SBNO1: variants seen among roughly 807,000 people sequenced by gnomAD.
SBNO1 encodes the protein strawberry notch homolog 1, also known as protein strawberry notch homolog 1.
In SBNO1, 23 loss-of-function variants were observed where a neutral mutation model predicts 173.6. That is an observed-to-expected ratio of 0.13 (90% CI 0.10 to 0.19). The LOEUF is 0.19. Ranked by LOEUF, SBNO1 falls within the 10% of genes least tolerant of loss-of-function variation. The pLI is 1.00. For missense variants in SBNO1, 1,238 were observed against 1,671.2 expected (o/e 0.74, Z 4.52); for synonymous variants, 632 against 571.5 (o/e 1.11, Z -1.51).
intron 1 of SBNO1, among the ~76,000 whole-genome samples, chr12:123,353,429 CGAT>C (rs1874105314): frequency 6.6e-6 from 1 of 151,934 alleles, no homozygotes; most frequent in Non-Finnish European, 1.5e-5. Context: ...TGGTAAACTA[CGAT>C]GTTTCATTAT....
chr12:123,307,939 G>A (rs2048960940), intron 28 of SBNO1, among the ~76,000 whole-genome samples: 1 of 152,174 alleles, frequency 6.6e-6, no homozygotes, highest in South Asian at 2.1e-4. Flanking sequence ...AGGCGTGGTG[G>A]TGCGTGCCTG....
intron 3 of SBNO1, among the ~76,000 whole-genome samples, chr12:123,347,594 C>T (rs181461492): frequency 6.1e-4 from 92 of 151,762 alleles, no homozygotes; most frequent in African/African-American, 2.1e-3. Flanking sequence ...GGCTTGGTCT[C>T]TGCTCACTGC....
chr12:123,323,521 A>G (rs1870251818), intron 16 of SBNO1, among the ~76,000 whole-genome samples, 159 bp downstream of exon 16: 1 of 151,788 alleles, frequency 6.6e-6, no homozygotes, highest in African/African-American at 2.4e-5. Flanking sequence ...TGCCCGGCTA[A>G]TTTTTTGTAT....
Position 123,341,105 on chromosome 12 carries a change from C to G in SBNO1, c.551-17G>C. ...TTACATCAGCTGAGGAGGAAAAAGT[C>G]AAATTACATTTAGAAGAAAATTCTG... On this transcript the variant is annotated splice_polypyrimidine_tract_variant and intron_variant, in intron 4 of 31. Coordinates refer to ENST00000602398, the MANE Select transcript of SBNO1 (RefSeq NM_001167856.3). The G allele has an allele frequency of 9.5e-6, 13 of 1,365,624 alleles. No homozygotes were observed. Among genetic ancestry groups the G allele is most frequent in the Non-Finnish European group, 1.3e-5 (13 of 988,640 alleles). The allele number at this position is 1,365,624 out of a possible 1,614,324, so 84.6% of individuals were successfully genotyped here. A position where few individuals can be genotyped will look rare whatever the true frequency, so the allele number is the denominator to read the frequency against.
intron 1 of SBNO1, among the ~76,000 whole-genome samples, chr12:123,358,606 G>A (rs1023074456): frequency 1.4e-4 from 21 of 151,780 alleles, no homozygotes; most frequent in Admixed American, 1.4e-3. Flanking sequence ...AGCCGGGCGC[G>A]GTGGCAGGCG....
chr12:123,348,826 G>A (rs934045456), intron 2 of SBNO1, among the ~76,000 whole-genome samples: 41 of 151,686 alleles, frequency 2.7e-4, no homozygotes, highest in African/African-American at 8.2e-4. Flanking sequence ...TGGGCTTGGC[G>A]GCGGCCCCCT....
At chr12:123,312,753 A>C (rs1246041114) in intron 24 of SBNO1, among the ~76,000 whole-genome samples, 1 of 151,964 alleles carries the variant, frequency 6.6e-6, no homozygotes, top group Non-Finnish European at 1.5e-5. Context: ...GAAAGAAAAA[A>C]GGCTAAGCTA....
rs1476752073 is a variant in SBNO1 at position 123,313,962 on chromosome 12, T to G, written c.3121-243A>C. 2.6e-5 allele frequency among the ~76,000 whole-genome samples: 4 copies of G among 151,796 alleles called. No homozygotes were observed. In the East Asian group the frequency reaches 7.9e-4, roughly 30 times the overall value. ...AGCTGGGTGTGGTGGCAGACACCTGTAATCCCAGCTACTTGGAAGGCTGAG... is the reference window on the plus strand; with the variant it reads ...AGCTGGGTGTGGTGGCAGACACCTGGAATCCCAGCTACTTGGAAGGCTGAG... On this transcript the variant is annotated intron_variant, in intron 23 of 31. Coordinates refer to ENST00000602398, the MANE Select transcript of SBNO1 (RefSeq NM_001167856.3).
chr12:123,350,511 T>C, intron 1 of SBNO1, 70 bp from the exon 2 acceptor site: 1 of 1,232,232 alleles, frequency 8.1e-7, no homozygotes, highest in Non-Finnish European at 1.2e-6. Context: ...CCTCTAAATA[T>C]AAACAATCCA....
rs1169964144 is a variant in SBNO1 at position 123,290,762 on chromosome 12, G to C, written c.*5146C>G. The C allele has an allele frequency of 2.0e-5, 3 of 151,852 alleles. No homozygotes were observed. The highest frequency in any genetic ancestry group is 7.3e-5 in the African/African-American group (3 of 41,314). 9.4% of individuals were successfully genotyped at this position (151,852 alleles called of 1,614,324 possible). On this transcript the variant is annotated 3_prime_UTR_variant, in exon 32 of 32. Transcript: ENST00000602398. ...TCTCTCTTTTTTTTTTTTCGAGACG[G>C]AGTCTCGGTCTGTTGCCCAGGCTGG...
chr12:123,292,814 G>C lies in SBNO1; in HGVS notation c.*3094C>G, dbSNP rs144059795. 6.6e-6 allele frequency: 1 copy of C among 152,326 alleles called. No individual in the cohort carries two copies. The highest frequency in any genetic ancestry group is 1.9e-4 in the East Asian group (1 of 5,194). 9.4% of individuals were successfully genotyped at this position (152,326 alleles called of 1,614,324 possible). ...AGTGTCTAACTGTAATTTAGCAGCA[G>C]AAAAAGAAAACTGCTTAACATATTT... On this transcript the variant is annotated 3_prime_UTR_variant, in exon 32 of 32. Transcript: ENST00000602398.
In SBNO1 at chr12:123,362,380, G is replaced by C. The variant is rs532182118; in HGVS notation, c.-1+2321C>G. Among the ~76,000 whole-genome samples the C allele has an allele frequency of 3.5e-5, 5 of 141,084 alleles. No homozygotes were observed. The South Asian group carries it at 6.8e-4, about 19-fold the overall frequency. The allele number at this position is 141,084 out of a possible 152,430, so 92.6% of individuals were successfully genotyped here. On this transcript the variant is annotated intron_variant, in intron 1 of 31. Transcript: ENST00000602398. ...GAACCCGGGAGGCGGAGCTTGCAGT[G>C]AGCAGAGATCGTGCCACTGCACTCC...
At chr12:123,297,898 A>G (rs3803001) in intron 31 of SBNO1, 80 bp downstream of exon 31, 57,804 of 1,290,534 alleles carry the variant, frequency 0.045, 2,265 homozygotes, top group East Asian at 0.24. Context: ...ATGTGGAATA[A>G]AGCTAAGATA....
chr12:123,330,551 T>G, intron 8 of SBNO1, 42 bp from the exon 9 acceptor site: 1 of 1,096,860 alleles, frequency 9.1e-7, no homozygotes, highest in Non-Finnish European at 1.3e-6. Context: ...ACAAATTATA[T>G]CATTCTAGAA....
chr12:123,310,207 C>T (rs2049017398), intron 25 of SBNO1, among the ~76,000 whole-genome samples: 1 of 152,150 alleles, frequency 6.6e-6, no homozygotes, highest in Non-Finnish European at 1.5e-5. Context: ...GATGTCTGAG[C>T]TCCACCCGAC....
intron 9 of SBNO1, 72 bp from the exon 10 acceptor site, chr12:123,328,967 A>G (rs547387459): frequency 1.1e-6 from 1 of 886,592 alleles, no homozygotes; most frequent in African/African-American, 1.7e-5. Context: ...CCAACTAAAC[A>G]TTCACAAGCA....
intron 31 of SBNO1, among the ~76,000 whole-genome samples, chr12:123,296,564 T>TTG (rs2048602302): frequency 6.6e-6 from 1 of 150,446 alleles, no homozygotes; most frequent in Admixed American, 6.6e-5. Context: ...TGTTTTTTTT[T>TTG]TTGTTTTTTT....
At chr12:123,361,306 T>C (rs1193365502) in intron 1 of SBNO1, among the ~76,000 whole-genome samples, 2 of 151,732 alleles carry the variant, frequency 1.3e-5, no homozygotes, top group Non-Finnish European at 2.9e-5. Flanking sequence ...CCCAGTACTT[T>C]GGGAGGCGGA....
chr12:123,298,471 T>C (rs1478264663), intron 30 of SBNO1, among the ~76,000 whole-genome samples: 1 of 152,226 alleles, frequency 6.6e-6, no homozygotes, highest in Non-Finnish European at 1.5e-5. Flanking sequence ...TTGGGCAGGC[T>C]GGTCTTAAAC....
Sources: gnomAD v4.1 joint callset for allele counts (sites outside exome capture counted in the v4.1 genomes callset) on GRCh38, gnomAD v4.1.1 for gene constraint, MANE v1.5 for transcripts, NCBI Gene and HGNC (gene_info 2026-07-23, HGNC 2026-07-21) for gene names.